FCHO2: variants seen among roughly 807,000 people sequenced by gnomAD.
The protein encoded by FCHO2 is F-BAR domain only protein 2.
Under a neutral mutation model 114.1 loss-of-function variants are expected in FCHO2, and 43 were observed. The ratio of observed to expected loss-of-function variants is 0.38; its 90% CI spans 0.30 to 0.49. The LOEUF (loss-of-function observed/expected upper bound fraction) is 0.49. Among genes scored for constraint, FCHO2 ranks in the 20% least tolerant of loss-of-function variants. The pLI, the probability that FCHO2 is intolerant of heterozygous loss-of-function variation, is 0.97. For missense variants in FCHO2, 807 were observed against 950.4 expected, an observed-to-expected ratio of 0.85 and a Z score of 1.98; for synonymous variants, 293 against 315.2, an observed-to-expected ratio of 0.93 and a Z score of 0.75.
intron 1 of FCHO2, among the ~76,000 whole-genome samples, chr5:72,964,175 A>G (rs1752050666): frequency 1.3e-5 from 2 of 152,108 alleles, no homozygotes; most frequent in South Asian, 4.1e-4. Context: ...TTCTCAACCC[A>G]TATAATATTT....
At chr5:73,054,112 G>A (rs779901306) in intron 13 of FCHO2, 48 bp from the exon 14 acceptor site, 1 of 1,351,680 alleles carries the variant, frequency 7.4e-7, no homozygotes. Context: ...CAAAAATACA[G>A]TATTCAGAAT....
At chr5:73,020,089 C>T (rs1755536195) in intron 8 of FCHO2, among the ~76,000 whole-genome samples, 1 of 152,098 alleles carries the variant, frequency 6.6e-6, no homozygotes, top group South Asian at 2.1e-4. Flanking sequence ...AGGCAACATC[C>T]CAGAGGCCCA....
chr5:73,071,416 A>G (rs1266257263), intron 19 of FCHO2, among the ~76,000 whole-genome samples: 1 of 152,070 alleles, frequency 6.6e-6, no homozygotes, highest in Non-Finnish European at 1.5e-5. Flanking sequence ...GATAGGAGAT[A>G]GTAGGGAGTG....
chr5:73,049,149 T>C (rs1580165870), intron 11 of FCHO2, among the ~76,000 whole-genome samples: 1 of 152,238 alleles, frequency 6.6e-6, no homozygotes, highest in South Asian at 2.1e-4. Flanking sequence ...GTGCTGGGAT[T>C]ACAGGCGTGA....
At chr5:73,020,904 A>G in intron 8 of FCHO2, 1 of 1,274,534 alleles carries the variant, frequency 7.8e-7, no homozygotes, top group South Asian at 1.2e-5. Context: ...AGAGCTTATC[A>G]TCTTTATCGA....
intron 5 of FCHO2, chr5:72,997,471 C>T (rs1754183119): frequency 2.6e-6 from 4 of 1,567,688 alleles, no homozygotes; most frequent in Non-Finnish European, 3.5e-6. Context: ...TCCTGGCTAA[C>T]TCTCCAGGGG....
chr5:72,997,716 G>A, intron 5 of FCHO2: 4 of 1,502,522 alleles, frequency 2.7e-6, no homozygotes, highest in Non-Finnish European at 3.6e-6. Context: ...ACCGTTTGAT[G>A]CCCTGTCCAA....
intron 6 of FCHO2, among the ~76,000 whole-genome samples, chr5:73,011,437 CTTTT>C (rs1469080212): frequency 6.6e-6 from 1 of 151,810 alleles, no homozygotes; most frequent in African/African-American, 2.4e-5. Flanking sequence ...ACTCGATCAG[CTTTT>C]TTTCTGTTTT....
chr5:73,056,938 A>G (rs1309029122), intron 16 of FCHO2, among the ~76,000 whole-genome samples: 1 of 152,008 alleles, frequency 6.6e-6, no homozygotes, highest in East Asian at 1.9e-4. Flanking sequence ...TCAGTTAAGA[A>G]TACTCTCTTT....
intron 2 of FCHO2, among the ~76,000 whole-genome samples, chr5:72,984,809 T>G (rs1269470620): frequency 1.3e-5 from 2 of 151,776 alleles, no homozygotes; most frequent in Admixed American, 6.6e-5. Flanking sequence ...ATTTTTGTAT[T>G]TTTTTTTGTA....
intron 6 of FCHO2, among the ~76,000 whole-genome samples, chr5:73,007,073 C>A (rs1196900592): frequency 1.3e-5 from 2 of 152,118 alleles, no homozygotes; most frequent in African/African-American, 4.8e-5. Context: ...CTCCGCTGCC[C>A]CTGCTTCTTG....
chr5:73,062,218 A>T (rs1170769481), intron 17 of FCHO2, among the ~76,000 whole-genome samples: 1 of 152,130 alleles, frequency 6.6e-6, no homozygotes, highest in Non-Finnish European at 1.5e-5. Flanking sequence ...TTCTAGAAGC[A>T]GTGCCTAATT....
At position 73,087,648 on chromosome 5, in the gene FCHO2, C is replaced by T. The variant is rs746135270; in HGVS notation, c.2305C>T (p.Leu769Phe). Reference protein sequence around the residue: ...LSEGPSKPTTLAVQFLSEGST... With the variant: ...LSEGPSKPTTFAVQFLSEGST... ...AGAAGGACCTAGTAAACCCACGACA[C>T]TTGCAGTACAATTCCTCAGCGAGGG... The change falls in exon 25 of 26, where the codon CTT becomes TTT. Residue 769 changes from leucine to phenylalanine, a missense_variant. Coordinates refer to ENST00000430046, the MANE Select transcript of FCHO2 (RefSeq NM_138782.3). The T allele has an allele frequency of 2.5e-6, 4 of 1,613,932 alleles. No individual in the cohort carries two copies. In the South Asian group the frequency reaches 3.3e-5, roughly 13 times the overall value.
intron 1 of FCHO2, 142 bp downstream of exon 1, chr5:72,956,271 T>C: frequency 2.6e-6 from 3 of 1,158,080 alleles, no homozygotes; most frequent in Non-Finnish European, 3.5e-6. Context: ...CTGGGTGAGG[T>C]CCGGCGGGCG....
intron 1 of FCHO2, among the ~76,000 whole-genome samples, chr5:72,967,239 T>C (rs1267634944): frequency 1.3e-5 from 2 of 152,214 alleles, no homozygotes; most frequent in African/African-American, 4.8e-5. Flanking sequence ...GAGCCATAAT[T>C]GCACGTCTGC....
intron 6 of FCHO2, among the ~76,000 whole-genome samples, chr5:73,011,945 A>G (rs1755038003): frequency 6.6e-6 from 1 of 152,070 alleles, no homozygotes; most frequent in African/African-American, 2.4e-5. Context: ...ATGGTAACAA[A>G]GCCTTCTAGA....
At chr5:73,020,919 A>G (rs1470001871) in intron 8 of FCHO2, 1 of 1,411,618 alleles carries the variant, frequency 7.1e-7, no homozygotes, top group Non-Finnish European at 1.0e-6. Context: ...TATCGAAATC[A>G]TATAGTCGAA....
chr5:73,034,632 A>G, intron 8 of FCHO2, 25 bp from the exon 9 acceptor site: 1 of 1,570,230 alleles, frequency 6.4e-7, no homozygotes, highest in Non-Finnish European at 8.6e-7. Context: ...TTCTACTAGA[A>G]GTTTTTCAAT....
intron 8 of FCHO2, among the ~76,000 whole-genome samples, chr5:73,022,909 A>G (rs1261652012): frequency 1.3e-5 from 2 of 152,096 alleles, no homozygotes; most frequent in African/African-American, 4.8e-5. Flanking sequence ...GAAGACATCA[A>G]CAGTCCAAGC....
Sources: gnomAD v4.1 joint callset for allele counts (sites outside exome capture counted in the v4.1 genomes callset) on GRCh38, gnomAD v4.1.1 for gene constraint, MANE v1.5 for transcripts, NCBI Gene and HGNC (gene_info 2026-07-23, HGNC 2026-07-21) for gene names.